Variants in UNC5D observed in about 807,000 individuals in gnomAD.
The protein encoded by UNC5D is unc-5 netrin receptor D, also known as netrin receptor UNC5D.
UNC5D carries 39 observed loss-of-function variants against 105.4 expected under a neutral mutation model. The observed-to-expected ratio is 0.37, with a 90% CI of 0.29 to 0.48. The LOEUF (loss-of-function observed/expected upper bound fraction) is 0.48. Among genes scored for constraint, UNC5D ranks in the 20% least tolerant of loss-of-function variants. The pLI is 0.98. For synonymous variants in UNC5D, 452 were observed against 450.4 expected, an observed-to-expected ratio of 1.00 and a Z score of -0.04; for missense variants, 991 against 1,202.4, an observed-to-expected ratio of 0.82 and a Z score of 2.60.
chr8:35,368,912 TC>T (rs1436841619), intron 1 of UNC5D, among the ~76,000 whole-genome samples: 10 of 152,164 alleles, frequency 6.6e-5, no homozygotes, highest in African/African-American at 2.4e-4. Flanking sequence ...GCCCTGACCA[TC>T]CTAGCACCCT....
chr8:35,367,154 T>A (rs1802164035), intron 1 of UNC5D, among the ~76,000 whole-genome samples: 1 of 152,170 alleles, frequency 6.6e-6, no homozygotes, highest in Non-Finnish European at 1.5e-5. Flanking sequence ...ATTTCCAACT[T>A]GATCATGGGG....
At chr8:35,493,281 CAAA>C (rs35199794) in intron 1 of UNC5D, among the ~76,000 whole-genome samples, 4 of 67,166 alleles carry the variant, frequency 6.0e-5, no homozygotes, top group Non-Finnish European at 8.8e-5. Flanking sequence ...AGTCTGTGAC[CAAA>C]AAAAAAAAAA....
rs1413808160 is a variant in UNC5D at position 35,655,128 on chromosome 8, G to A, written c.571-28419G>A. Reference sequence around the variant, plus strand: ...AAGTTATAGAATTTTCTTCCAACCTGCTTTGTGTAGGAAAATTTTAAAGGG... The same window carrying A: ...AAGTTATAGAATTTTCTTCCAACCTACTTTGTGTAGGAAAATTTTAAAGGG... On this transcript the variant is annotated intron_variant, in intron 4 of 16. Transcript: ENST00000404895. 4.6e-5 allele frequency among the ~76,000 whole-genome samples: 7 copies of A among 152,138 alleles called. No homozygotes were observed. In the East Asian group the frequency reaches 1.3e-3, roughly 29 times the overall value.
At chr8:35,557,373 G>A (rs1197043804) in intron 2 of UNC5D, among the ~76,000 whole-genome samples, 1 of 152,090 alleles carries the variant, frequency 6.6e-6, no homozygotes, top group Non-Finnish European at 1.5e-5. Flanking sequence ...CTATTCATTA[G>A]GCATGGCGCA....
At chr8:35,497,362 T>G (rs1360151580) in intron 1 of UNC5D, among the ~76,000 whole-genome samples, 1 of 152,094 alleles carries the variant, frequency 6.6e-6, no homozygotes, top group African/African-American at 2.4e-5. Flanking sequence ...GGGACAAGAC[T>G]AGGAGAAAGT....
chr8:35,456,421 C>G (rs1465996171), intron 1 of UNC5D, among the ~76,000 whole-genome samples: 2 of 152,210 alleles, frequency 1.3e-5, no homozygotes, highest in Non-Finnish European at 2.9e-5. Flanking sequence ...TTGAGATCCA[C>G]TGCTGAAGGT....
At chr8:35,285,255 C>T (rs183587371) in intron 1 of UNC5D, among the ~76,000 whole-genome samples, 6 of 152,266 alleles carry the variant, frequency 3.9e-5, no homozygotes, top group Admixed American at 1.3e-4. Flanking sequence ...CGTATTTTTC[C>T]AACCTATTCT....
intron 1 of UNC5D, among the ~76,000 whole-genome samples, chr8:35,408,449 G>A (rs866780807): frequency 6.6e-6 from 1 of 150,644 alleles, no homozygotes; most frequent in African/African-American, 2.4e-5. Context: ...GTCCGTTGGA[G>A]GAACCTCCTT....
At chr8:35,577,320 G>A (rs1818160928) in intron 3 of UNC5D, among the ~76,000 whole-genome samples, 1 of 152,166 alleles carries the variant, frequency 6.6e-6, no homozygotes, top group Non-Finnish European at 1.5e-5. Flanking sequence ...CAGTTGTGAG[G>A]TCAGTTTAGC....
chr8:35,334,564 G>A (rs1441636639), intron 1 of UNC5D, among the ~76,000 whole-genome samples: 1 of 151,744 alleles, frequency 6.6e-6, no homozygotes, highest in East Asian at 1.9e-4. Flanking sequence ...CCAGGCTGGG[G>A]TGCAATGGCA....
chr8:35,401,312 C>T (rs573194016), intron 1 of UNC5D, among the ~76,000 whole-genome samples: 6 of 152,010 alleles, frequency 3.9e-5, no homozygotes, highest in South Asian at 2.1e-4. Context: ...AATGAAATCC[C>T]GTCTCTACTA....
At chr8:35,701,806 G>A (rs986343240) in intron 7 of UNC5D, among the ~76,000 whole-genome samples, 1 of 151,302 alleles carries the variant, frequency 6.6e-6, no homozygotes, top group African/African-American at 2.4e-5. Context: ...AAAATCACAG[G>A]GGATAAAGAG....
chr8:35,638,267 C>T (rs190258042), intron 4 of UNC5D, among the ~76,000 whole-genome samples: 81 of 152,090 alleles, frequency 5.3e-4, no homozygotes, highest in African/African-American at 1.9e-3. Context: ...GGAAGGTAAT[C>T]GGAATCAACT....
At chr8:35,361,430 A>G (rs1415590094) in intron 1 of UNC5D, among the ~76,000 whole-genome samples, 2 of 152,178 alleles carry the variant, frequency 1.3e-5, no homozygotes, top group African/African-American at 2.4e-5. Context: ...TGTAACCTCC[A>G]TGAGACAACA....
At chr8:35,362,686 G>C (rs924337494) in intron 1 of UNC5D, among the ~76,000 whole-genome samples, 1 of 152,012 alleles carries the variant, frequency 6.6e-6, no homozygotes, top group Non-Finnish European at 1.5e-5. Context: ...AGAACCACAC[G>C]CAATTATCAA....
At chr8:35,676,278 C>T (rs566518657) in intron 4 of UNC5D, among the ~76,000 whole-genome samples, 256 of 152,296 alleles carry the variant, frequency 1.7e-3, no homozygotes, top group Non-Finnish European at 3.1e-3. Context: ...TGAATGCTGG[C>T]GTTCTGAAAA....
At chr8:35,675,611 A>G (rs1178958830) in intron 4 of UNC5D, among the ~76,000 whole-genome samples, 1 of 152,080 alleles carries the variant, frequency 6.6e-6, no homozygotes, top group Non-Finnish European at 1.5e-5. Context: ...GATGATATCA[A>G]TTAATGGGCC....
intron 11 of UNC5D, among the ~76,000 whole-genome samples, chr8:35,747,727 C>T (rs756882042): frequency 1.3e-5 from 2 of 152,086 alleles, no homozygotes; most frequent in South Asian, 2.1e-4. Context: ...AAGCCAAAGA[C>T]GTGAAAGAGG....
At chr8:35,556,993 G>A (rs1410700266) in intron 2 of UNC5D, among the ~76,000 whole-genome samples, 2 of 152,162 alleles carry the variant, frequency 1.3e-5, no homozygotes, top group African/African-American at 4.8e-5. Context: ...TAAGCTACTA[G>A]CAGGAGATGA....
Sources: gnomAD v4.1 joint callset for allele counts (sites outside exome capture counted in the v4.1 genomes callset) on GRCh38, gnomAD v4.1.1 for gene constraint, MANE v1.5 for transcripts, NCBI Gene and HGNC (gene_info 2026-07-23, HGNC 2026-07-21) for gene names.